The following KCNMB2 variants were observed in gnomAD, a reference collection of about 807,000 sequenced individuals.
KCNMB2 encodes potassium calcium-activated channel subfamily M regulatory beta subunit 2, also known as calcium-activated potassium channel subunit beta-2.
In KCNMB2, 9 loss-of-function variants were observed where a neutral mutation model predicts 24.5. The ratio of observed to expected loss-of-function variants is 0.37; its 90% CI spans 0.22 to 0.64. The LOEUF is 0.64. Among genes scored for constraint, KCNMB2 ranks in the 30% least tolerant of loss-of-function variants. The pLI is 0.63. For missense variants in KCNMB2, 226 were observed against 284.3 expected (o/e 0.79, Z 1.47); for synonymous variants, 109 against 104.4 (o/e 1.04, Z -0.27).
chr3:178,697,829 A>G (rs1280905853), intron 1 of KCNMB2, among the ~76,000 whole-genome samples: 1 of 152,182 alleles, frequency 6.6e-6, no homozygotes, highest in Non-Finnish European at 1.5e-5. Flanking sequence ...TTTGCTTGTC[A>G]GAAAAGAATC....
intron 1 of KCNMB2, among the ~76,000 whole-genome samples, chr3:178,678,160 G>T (rs1721135593): frequency 6.6e-6 from 1 of 152,180 alleles, no homozygotes; most frequent in Non-Finnish European, 1.5e-5. Context: ...AGTGTCAGGG[G>T]TCAGTGAGCT....
chr3:178,553,790 T>C (rs1716036728), intron 1 of KCNMB2, among the ~76,000 whole-genome samples: 1 of 152,136 alleles, frequency 6.6e-6, no homozygotes, highest in Non-Finnish European at 1.5e-5. Context: ...TCTGCCTGTC[T>C]TGGTCTCCCA....
chr3:178,624,806 G>A (rs1200349362), intron 1 of KCNMB2, among the ~76,000 whole-genome samples: 1 of 151,912 alleles, frequency 6.6e-6, no homozygotes, highest in African/African-American at 2.4e-5. Context: ...AACCTGTCCC[G>A]AGTGACAGAG....
intron 1 of KCNMB2, among the ~76,000 whole-genome samples, chr3:178,616,853 A>C (rs1478208500): frequency 6.6e-6 from 1 of 152,172 alleles, no homozygotes; most frequent in Non-Finnish European, 1.5e-5. Flanking sequence ...AATCATTTGT[A>C]AAAATGGAAA....
chr3:178,808,145 G>C (rs1225640973), intron 2 of KCNMB2, among the ~76,000 whole-genome samples: 1 of 151,970 alleles, frequency 6.6e-6, no homozygotes, highest in Non-Finnish European at 1.5e-5. Context: ...AAGATAAAGG[G>C]CAAAGGCAGC....
intron 1 of KCNMB2, among the ~76,000 whole-genome samples, chr3:178,674,566 T>C (rs1191438798): frequency 6.6e-6 from 1 of 152,148 alleles, no homozygotes; most frequent in Non-Finnish European, 1.5e-5. Context: ...TCTGCCACAT[T>C]AATCCAAGCT....
intron 1 of KCNMB2, among the ~76,000 whole-genome samples, chr3:178,731,592 C>A (rs910587086): frequency 6.6e-6 from 1 of 152,122 alleles, no homozygotes; most frequent in African/African-American, 2.4e-5. Flanking sequence ...TATAAGCAGT[C>A]CTGCCAAAAA....
chr3:178,629,784 G>T (rs551023694), intron 1 of KCNMB2, among the ~76,000 whole-genome samples: 5 of 152,298 alleles, frequency 3.3e-5, no homozygotes, highest in Admixed American at 1.3e-4. Context: ...TCATGGAAAT[G>T]AATAGTCAAC....
chr3:178,634,446 A>C (rs1296137583), intron 1 of KCNMB2, among the ~76,000 whole-genome samples: 1 of 152,132 alleles, frequency 6.6e-6, no homozygotes, highest in African/African-American at 2.4e-5. Context: ...CCTTCTTCAC[A>C]TGGTGGCAGC....
At chr3:178,715,039 A>G (rs1280260744) in intron 1 of KCNMB2, among the ~76,000 whole-genome samples, 1 of 152,210 alleles carries the variant, frequency 6.6e-6, no homozygotes, top group Admixed American at 6.5e-5. Context: ...TTGGAGGAAA[A>G]TTACAGAGAG....
rs140743672 is a variant in KCNMB2, at chr3:178,733,692, G to C, written c.-67-73651G>C. Among the ~76,000 whole-genome samples the C allele has an allele frequency of 1.3e-3, 202 of 152,134 alleles. 1 individual carries two copies. The highest frequency in any genetic ancestry group is 2.3e-3 in the Non-Finnish European group (154 of 68,004). On this transcript the variant is annotated intron_variant, in intron 1 of 4. Transcript: ENST00000452583. The stretch of plus-strand genomic sequence containing the variant: ...GATGGGGTTTCGCCATGTTAGCTAG[G>C]ATGGTCTTGATCTCCTGACCTCGTG...
chr3:178,679,856 T>C (rs1577092200), intron 1 of KCNMB2, among the ~76,000 whole-genome samples: 2 of 152,248 alleles, frequency 1.3e-5, no homozygotes, highest in East Asian at 1.9e-4. Flanking sequence ...GATTTTTGTA[T>C]ATATTTCCCT....
intron 1 of KCNMB2, among the ~76,000 whole-genome samples, chr3:178,561,771 A>T (rs2108465058): frequency 6.6e-6 from 1 of 152,348 alleles, no homozygotes; most frequent in Middle Eastern, 3.4e-3. Context: ...CAGCAACTAT[A>T]GTGTATGTGC....
At position 178,559,440 on chromosome 3, in the gene KCNMB2, ATTTTTTAAAAGAAGCTCT is replaced by A. The variant is rs1716237852; in HGVS notation, c.-68+22730_-68+22747del. Reference sequence around the variant, plus strand: ...ATGAGAATTTTCTTGTATTTGAACAATTTTTTAAAAGAAGCTCTGTCTAGACACGCAAACTGAGTTGGA... The same window carrying A: ...ATGAGAATTTTCTTGTATTTGAACAAGTCTAGACACGCAAACTGAGTTGGA... On this transcript the variant is annotated intron_variant, in intron 1 of 4. Transcript: ENST00000452583. Among the ~76,000 whole-genome samples the A allele has an allele frequency of 2.0e-5, 3 of 151,904 alleles. 1 individual carries two copies. The highest frequency in any genetic ancestry group is 7.2e-5 in the African/African-American group (3 of 41,426).
intron 1 of KCNMB2, among the ~76,000 whole-genome samples, chr3:178,544,084 T>C (rs1014295118): frequency 1.3e-5 from 2 of 152,276 alleles, no homozygotes; most frequent in Middle Eastern, 3.4e-3. Context: ...GCTCAATAAG[T>C]GTTTCTTGAA....
rs1402003059 is a variant in KCNMB2 at position 178,658,184 on chromosome 3, G to A, written c.-68+121473G>A. On this transcript the variant is annotated intron_variant, in intron 1 of 4. Coordinates refer to ENST00000452583, the MANE Select transcript of KCNMB2 (RefSeq NM_181361.3). ...GAAAGGAAGTGATGACAAAGACATA[G>A]ATGATGAGAGGGAAGAGACAGCCAT... Among the ~76,000 whole-genome samples the A allele has an allele frequency of 3.3e-5, 5 of 152,234 alleles. No homozygotes were observed. The East Asian group carries it at 5.8e-4, about 18-fold the overall frequency.
At chr3:178,720,112 C>T (rs1722747991) in intron 1 of KCNMB2, among the ~76,000 whole-genome samples, 4 of 151,974 alleles carry the variant, frequency 2.6e-5, no homozygotes, top group African/African-American at 9.7e-5. Flanking sequence ...GTATATCTCC[C>T]AATGCTATCC....
At chr3:178,656,568 T>C (rs1323525705) in intron 1 of KCNMB2, among the ~76,000 whole-genome samples, 3 of 151,342 alleles carry the variant, frequency 2.0e-5, no homozygotes, top group African/African-American at 7.3e-5. Flanking sequence ...AGGTCAGGAG[T>C]TTGAGACCAG....
At position 178,757,755 on chromosome 3, in the gene KCNMB2, G is replaced by GAT. The variant is rs200127036; in HGVS notation, c.-67-49575_-67-49574dup. Among the ~76,000 whole-genome samples, 12 of 60,638 alleles carry GAT rather than the reference G, an allele frequency of 2.0e-4. 1 individual carries two copies. Among genetic ancestry groups the GAT allele is most frequent in the Non-Finnish European group, 3.7e-4 (12 of 32,374 alleles). The allele number at this position is 60,638 out of a possible 152,430, so 39.8% of individuals were successfully genotyped here. On this transcript the variant is annotated intron_variant, in intron 1 of 4. Coordinates refer to ENST00000452583, the MANE Select transcript of KCNMB2 (RefSeq NM_181361.3). ...CCAAGAGGATATATATATATAAGAG[G>GAT]ATATATATATATATCCAAGAGGATA...
Sources: allele counts gnomAD v4.1 joint callset (sites outside exome capture counted in the v4.1 genomes callset), GRCh38; gene constraint gnomAD v4.1.1; transcripts MANE v1.5; gene names NCBI Gene and HGNC (gene_info 2026-07-23, HGNC 2026-07-21).